VWA2: variants seen among roughly 807,000 people sequenced by gnomAD.
VWA2 encodes von Willebrand factor A domain containing 2.
A neutral mutation model predicts 70.4 loss-of-function variants in VWA2; 73 were observed. The ratio of observed to expected loss-of-function variants is 1.04; its 90% confidence interval spans 0.86 to 1.26. VWA2 has a LOEUF of 1.26. VWA2 is among the 50% of genes most tolerant of loss of function. The pLI is 0.00. For missense variants in VWA2, 1,011 were observed against 998.5 expected, an observed-to-expected ratio of 1.01 and a Z score of -0.17; for synonymous variants, 407 against 423.3, an observed-to-expected ratio of 0.96 and a Z score of 0.47.
At chr10:114,255,579 A>T (rs1470810213) in intron 4 of VWA2, among the ~76,000 whole-genome samples, 2 of 152,248 alleles carry the variant, frequency 1.3e-5, no homozygotes, top group African/African-American at 2.4e-5. Flanking sequence ...GGAAAGGGAA[A>T]GCATGCTAAG....
chr10:114,263,518 T>C (rs1451275554), intron 5 of VWA2, among the ~76,000 whole-genome samples: 5 of 151,528 alleles, frequency 3.3e-5, no homozygotes, highest in Admixed American at 3.3e-4. Flanking sequence ...TTGTATTTTT[T>C]AGTCGAGATG....
intron 1 of VWA2, among the ~76,000 whole-genome samples, chr10:114,241,595 CT>C (rs1382455486): frequency 1.5e-4 from 23 of 152,042 alleles, no homozygotes; most frequent in Non-Finnish European, 2.9e-5. Context: ...GTGAAAATGC[CT>C]TTTTTGTTAA....
rs1445772426 is a variant in VWA2, at chr10:114,286,380, G to C, written c.1439G>C (p.Ser480Thr). 6.2e-7 allele frequency: 1 copy of C among 1,613,852 alleles called. No homozygotes were observed. The highest frequency in any genetic ancestry group is 2.2e-5 in the East Asian group (1 of 44,882). Reference protein sequence around the residue: ...ARELLLLGVGSEAVRAELEEI... With the variant: ...ARELLLLGVGTEAVRAELEEI... ...GAGCTGCTCCTGCTGGGTGTAGGCA[G>C]TGAGGCCGTGCGGGCAGAGCTGGAG... The change falls in exon 11 of 14, where the codon AGT (serine) becomes ACT (threonine). Residue 480 changes from serine (S) to threonine (T), a missense_variant. Ser to Thr is a moderately conservative substitution (Grantham distance 58). Coordinates refer to ENST00000392982, the MANE Select transcript of VWA2 (RefSeq NM_001272046.2).
chr10:114,284,773 C>T, intron 9 of VWA2, 90 bp from the exon 10 acceptor site: 1 of 1,280,284 alleles, frequency 7.8e-7, no homozygotes, highest in Non-Finnish European at 1.1e-6. Context: ...ACTGCTAGAG[C>T]AGGAAGCCAG....
chr10:114,284,918 G>C lies in VWA2; in HGVS notation c.945G>C (p.Leu315=), dbSNP rs761578549. The C allele has an allele frequency of 6.2e-7, 1 of 1,605,174 alleles. No homozygotes were observed. The highest frequency in any genetic ancestry group is 1.7e-5 in the Admixed American group (1 of 57,966). The change falls in exon 10 of 14, where the codon CTG becomes CTC. Residue 315 remains leucine, a synonymous_variant. Transcript: ENST00000392982. ...GAGGCACATGTGTTCCAGAAGGACT[G>C]GACGGCTACCAGTGCCTCTGCCCGC... ...QNGGTCVPEG[L]DGYQCLCPLA...
At position 114,291,787 on chromosome 10, in the gene VWA2, A is replaced by G. The variant is rs921294926; in HGVS notation, c.*550A>G. Among the ~76,000 whole-genome samples the G allele has an allele frequency of 9.2e-5, 14 of 152,188 alleles. No homozygotes were observed. The highest frequency in any genetic ancestry group is 3.4e-4 in the African/African-American group (14 of 41,426). ...TGCATTGAGTCTGAAAGGGGGCTTG[A>G]GGGACGTTTGTGACTTCTGGCGACT... On this transcript the variant is annotated 3_prime_UTR_variant, in exon 14 of 14. Coordinates refer to ENST00000392982, the MANE Select transcript of VWA2 (RefSeq NM_001272046.2).
At chr10:114,288,155 CAGGAG>C (rs1207141594) in intron 11 of VWA2, among the ~76,000 whole-genome samples, 2 of 152,234 alleles carry the variant, frequency 1.3e-5, no homozygotes, top group African/African-American at 4.8e-5. Context: ...ATCCCCTGCA[CAGGAG>C]AGGCCTTCTG....
chr10:114,251,155 G>A (rs565620090), intron 2 of VWA2, among the ~76,000 whole-genome samples: 4 of 152,358 alleles, frequency 2.6e-5, no homozygotes, highest in South Asian at 4.1e-4. Context: ...CTCTGCCTGC[G>A]CAATAGCGTC....
intron 6 of VWA2, among the ~76,000 whole-genome samples, chr10:114,276,065 G>A (rs567383200): frequency 6.6e-5 from 10 of 152,310 alleles, no homozygotes; most frequent in East Asian, 1.9e-4. Flanking sequence ...CAGTGTCTGC[G>A]CTTGTCCCCT....
intron 5 of VWA2, among the ~76,000 whole-genome samples, chr10:114,262,239 C>T (rs930089365): frequency 4.6e-5 from 7 of 151,456 alleles, no homozygotes; most frequent in African/African-American, 9.7e-5. Context: ...CTGATGTGTA[C>T]ATCTGAATAT....
At chr10:114,256,478 G>C (rs140602798) in intron 4 of VWA2, among the ~76,000 whole-genome samples, 1 of 152,160 alleles carries the variant, frequency 6.6e-6, no homozygotes, top group Non-Finnish European at 1.5e-5. Context: ...ATTTGTAAGA[G>C]GCTGAGGACA....
At chr10:114,246,946 T>A (rs943231489) in intron 1 of VWA2, among the ~76,000 whole-genome samples, 1 of 152,344 alleles carries the variant, frequency 6.6e-6, no homozygotes, top group East Asian at 1.9e-4. Flanking sequence ...GTGCTACTTA[T>A]ACTGGTTCGT....
At chr10:114,264,451 T>C (rs1460462828) in intron 5 of VWA2, among the ~76,000 whole-genome samples, 1 of 151,962 alleles carries the variant, frequency 6.6e-6, no homozygotes, top group Non-Finnish European at 1.5e-5. Flanking sequence ...GGAGTCTTGC[T>C]CTGTTGCCCA....
chr10:114,253,605 C>A, intron 2 of VWA2, 46 bp from the exon 3 acceptor site: 1 of 1,547,246 alleles, frequency 6.5e-7, no homozygotes. Flanking sequence ...TGAGCCTCCT[C>A]CCCTCTCAGC....
chr10:114,255,129 C>A (rs1314243975), intron 4 of VWA2, 81 bp downstream of exon 4: 1 of 1,550,696 alleles, frequency 6.4e-7, no homozygotes. Context: ...GCAGAGGAGG[C>A]ATCTACTCGC....
Position 114,251,470 on chromosome 10 carries a change from G to A in VWA2, c.53-2181G>A, listed in dbSNP as rs112587638. Among the ~76,000 whole-genome samples, 700 of 152,336 alleles carry A rather than the reference G, an allele frequency of 4.6e-3. 5 individuals carry two copies. The highest frequency in any genetic ancestry group is 8.1e-3 in the Non-Finnish European group (548 of 68,026). ...CAGAGCTCCCTTGCCTTCTCATCCT[G>A]GGGAGATGGCTGGCCTGCCTTCAGC... On this transcript the variant is annotated intron_variant, in intron 2 of 13. Coordinates refer to ENST00000392982, the MANE Select transcript of VWA2 (RefSeq NM_001272046.2).
chr10:114,281,707 G>A (rs567620622), intron 8 of VWA2: 142 of 984,618 alleles, frequency 1.4e-4, no homozygotes, highest in East Asian at 5.7e-4. Flanking sequence ...GTGGAGGGGC[G>A]GGGCTGGGGC....
intron 1 of VWA2, among the ~76,000 whole-genome samples, chr10:114,241,424 C>G (rs2036972160): frequency 6.6e-6 from 1 of 152,128 alleles, no homozygotes; most frequent in Non-Finnish European, 1.5e-5. Context: ...ATAGTTTTAC[C>G]TTTTCCAGAA....
intron 13 of VWA2, 150 bp downstream of exon 13, chr10:114,290,515 A>T: frequency 9.2e-7 from 1 of 1,086,672 alleles, no homozygotes; most frequent in East Asian, 2.6e-5. Flanking sequence ...TTTAGTGAGT[A>T]CCTCCTGCAT....
Sources: gnomAD v4.1 joint callset for allele counts (sites outside exome capture counted in the v4.1 genomes callset) on GRCh38, gnomAD v4.1.1 for gene constraint, MANE v1.5 for transcripts, NCBI Gene and HGNC (gene_info 2026-07-23, HGNC 2026-07-21) for gene names.